The following ADK variants were observed in gnomAD, a reference collection of about 807,000 sequenced individuals.
ADK encodes N6,N6-dimethyladenosine kinase.
ADK carries 24 observed loss-of-function variants against 44.7 expected under a neutral mutation model. The observed-to-expected ratio is 0.54, with a 90% CI of 0.39 to 0.76. ADK has a LOEUF of 0.76. Ranked by LOEUF, ADK falls within the 30% of genes least tolerant of loss-of-function variation. ADK has a pLI of 0.00. For missense variants in ADK, 321 were observed against 425.1 expected (o/e 0.76, Z 2.15); for synonymous variants, 128 against 142.6 (o/e 0.90, Z 0.73).
intron 3 of ADK, among the ~76,000 whole-genome samples, chr10:74,242,937 G>A (rs572272470): frequency 3.3e-5 from 5 of 152,070 alleles, no homozygotes; most frequent in Non-Finnish European, 5.9e-5. Flanking sequence ...CATTTCCACC[G>A]CTCAGTAAAA....
chr10:74,465,475 C>T (rs942914708), intron 6 of ADK, among the ~76,000 whole-genome samples: 24 of 151,992 alleles, frequency 1.6e-4, no homozygotes, highest in African/African-American at 4.8e-4. Flanking sequence ...TTTGTGCAGA[C>T]GAGAAACATA....
chr10:74,372,771 C>A (rs1842702311), intron 4 of ADK, among the ~76,000 whole-genome samples: 1 of 152,084 alleles, frequency 6.6e-6, no homozygotes, highest in Non-Finnish European at 1.5e-5. Flanking sequence ...GATGGCAGTT[C>A]TCCCCCAAAT....
chr10:74,284,261 AT>A (rs1419254206), intron 3 of ADK, among the ~76,000 whole-genome samples: 1 of 139,036 alleles, frequency 7.2e-6, no homozygotes, highest in Non-Finnish European at 1.5e-5. Flanking sequence ...CGCCTGGCAA[AT>A]TCTATTTTTT....
intron 3 of ADK, among the ~76,000 whole-genome samples, chr10:74,229,154 A>G (rs1321354413): frequency 1.3e-5 from 2 of 152,210 alleles, no homozygotes; most frequent in Non-Finnish European, 2.9e-5. Context: ...ATATTGTGAT[A>G]TTTAAATGCT....
Position 74,389,838 on chromosome 10 carries a change from A to G in ADK, c.274-4303A>G, listed in dbSNP as rs377616148. Among the ~76,000 whole-genome samples, 36 of 152,268 alleles carry G rather than the reference A, an allele frequency of 2.4e-4. 1 individual carries two copies. The highest frequency in any genetic ancestry group is 6.8e-3 in the Middle Eastern group (2 of 294). On this transcript the variant is annotated intron_variant, in intron 4 of 10. Coordinates refer to ENST00000539909, the MANE Select transcript of ADK (RefSeq NM_006721.4). ...ATTTATTTGTAGTGGAAATATTTCAATTCATTTAAATCCTGATTATGGAGT... is the reference window on the plus strand; with the variant it reads ...ATTTATTTGTAGTGGAAATATTTCAGTTCATTTAAATCCTGATTATGGAGT...
At chr10:74,539,125 G>A (rs745792548) in intron 7 of ADK, among the ~76,000 whole-genome samples, 14 of 152,130 alleles carry the variant, frequency 9.2e-5, no homozygotes, top group Non-Finnish European at 1.6e-4. Context: ...TTTCTGTCAA[G>A]TCCCTATACA....
At chr10:74,412,024 G>A (rs932678010) in intron 6 of ADK, among the ~76,000 whole-genome samples, 2 of 152,026 alleles carry the variant, frequency 1.3e-5, no homozygotes, top group Non-Finnish European at 2.9e-5. Context: ...CTATCTTCAG[G>A]CTTCACTTCT....
chr10:74,161,349 A>C (rs568481173), intron 1 of ADK, among the ~76,000 whole-genome samples: 1 of 151,860 alleles, frequency 6.6e-6, no homozygotes, highest in South Asian at 2.1e-4. Flanking sequence ...CTACAAGTGC[A>C]CACCACCACA....
chr10:74,404,094 G>A (rs1843818781), intron 6 of ADK, among the ~76,000 whole-genome samples: 1 of 150,878 alleles, frequency 6.6e-6, no homozygotes, highest in South Asian at 2.1e-4. Context: ...GGATGGTCTC[G>A]ATCTCCTGAC....
chr10:74,566,201 C>CTTTTTT (rs772254919), intron 7 of ADK, among the ~76,000 whole-genome samples: 48 of 113,990 alleles, frequency 4.2e-4, no homozygotes, highest in African/African-American at 6.6e-4. Flanking sequence ...CTCTCTCTCT[C>CTTTTTT]TTTTTTTTTT....
At chr10:74,706,609 A>G (rs1489846614) in intron 10 of ADK, among the ~76,000 whole-genome samples, 1 of 152,200 alleles carries the variant, frequency 6.6e-6, no homozygotes, top group Non-Finnish European at 1.5e-5. Flanking sequence ...CTATTTGTCT[A>G]TATGCTAATA....
At chr10:74,544,596 G>A (rs1290916382) in intron 7 of ADK, among the ~76,000 whole-genome samples, 1 of 152,080 alleles carries the variant, frequency 6.6e-6, no homozygotes, top group African/African-American at 2.4e-5. Context: ...AAGAATGAAG[G>A]TTGGCCACGG....
intron 7 of ADK, among the ~76,000 whole-genome samples, chr10:74,572,409 C>T (rs1315301477): frequency 6.6e-6 from 1 of 152,114 alleles, no homozygotes; most frequent in Non-Finnish European, 1.5e-5. Flanking sequence ...GTGGGTAACC[C>T]GACCTTTCTC....
chr10:74,614,237 T>G (rs573386143), intron 9 of ADK, among the ~76,000 whole-genome samples: 237 of 152,252 alleles, frequency 1.6e-3, no homozygotes, highest in Non-Finnish European at 2.5e-3. Context: ...AAAAGGATCC[T>G]GCTAGAAGGC....
chr10:74,627,584 A>T (rs1853257468), intron 9 of ADK, among the ~76,000 whole-genome samples: 1 of 149,368 alleles, frequency 6.7e-6, no homozygotes, highest in Non-Finnish European at 1.5e-5. Context: ...AAGTACTAAG[A>T]GTGTTTTGGG....
rs147450292 is a variant in ADK at position 74,248,392 on chromosome 10, G to T, written c.194+23801G>T. On this transcript the variant is annotated intron_variant, in intron 3 of 10. Coordinates refer to ENST00000539909, the MANE Select transcript of ADK (RefSeq NM_006721.4). Reference sequence around the variant, plus strand: ...GCTTTTTTTTTTGAGGTGGAGTCTCGCTTGTCACCAGGCTAGAGTGCAGTG... The same window carrying T: ...GCTTTTTTTTTTGAGGTGGAGTCTCTCTTGTCACCAGGCTAGAGTGCAGTG... 2.6e-5 allele frequency among the ~76,000 whole-genome samples: 4 copies of T among 151,846 alleles called. No individual in the cohort carries two copies. The East Asian group carries it at 5.8e-4, about 22-fold the overall frequency.
chr10:74,440,457 C>G (rs764489028), intron 6 of ADK, among the ~76,000 whole-genome samples: 1 of 152,032 alleles, frequency 6.6e-6, no homozygotes, highest in Non-Finnish European at 1.5e-5. Flanking sequence ...GCCTTTTATA[C>G]TTGAAAAGAA....
chr10:74,217,016 C>T (rs547044503), intron 2 of ADK, among the ~76,000 whole-genome samples: 15 of 152,278 alleles, frequency 9.9e-5, no homozygotes, highest in Non-Finnish European at 1.6e-4. Context: ...AGACAGTGGG[C>T]GCAGGTCAGT....
chr10:74,649,038 G>T (rs1034851220), intron 9 of ADK, among the ~76,000 whole-genome samples: 4 of 151,790 alleles, frequency 2.6e-5, no homozygotes, highest in African/African-American at 9.7e-5. Context: ...AAATTAGCTG[G>T]GCGTGGTGGC....
Sources: allele counts gnomAD v4.1 joint callset (sites outside exome capture counted in the v4.1 genomes callset), GRCh38; gene constraint gnomAD v4.1.1; transcripts MANE v1.5; gene names NCBI Gene and HGNC (gene_info 2026-07-23, HGNC 2026-07-21).